The following RORA variants were observed in gnomAD, a reference collection of about 807,000 sequenced individuals.
RORA encodes RAR related orphan receptor A, also known as nuclear receptor ROR-alpha.
In RORA, 7 loss-of-function variants were observed where a neutral mutation model predicts 69.5. The observed-to-expected ratio is 0.10, with a 90% CI of 0.06 to 0.19. RORA has a LOEUF of 0.19. Among genes scored for constraint, RORA ranks in the 10% least tolerant of loss-of-function variants. The probability of loss-of-function intolerance (pLI) is 1.00; values close to 1 mark genes in which losing one functional copy is unlikely to be tolerated. For synonymous variants in RORA, 261 were observed against 240.8 expected (o/e 1.08, Z -0.78); for missense variants, 457 against 663.0 (o/e 0.69, Z 3.41).
intron 1 of RORA, among the ~76,000 whole-genome samples, chr15:60,929,211 C>T (rs529383877): frequency 6.6e-6 from 1 of 152,270 alleles, no homozygotes; most frequent in East Asian, 1.9e-4. Flanking sequence ...CTTTGTGAGG[C>T]AAGCGCTCAT....
chr15:60,728,053 C>T (rs560971648), intron 1 of RORA, among the ~76,000 whole-genome samples: 20 of 152,190 alleles, frequency 1.3e-4, no homozygotes, highest in African/African-American at 4.8e-4. Flanking sequence ...AGTATTTTTC[C>T]TCTGTATCAA....
At chr15:60,632,129 C>G (rs1487875670) in intron 2 of RORA, among the ~76,000 whole-genome samples, 4 of 147,880 alleles carry the variant, frequency 2.7e-5, no homozygotes, top group African/African-American at 7.5e-5. Flanking sequence ...TTTTTTTAGA[C>G]GGAGTCTCAC....
At chr15:61,124,807 T>C (rs1196974885) in intron 1 of RORA, among the ~76,000 whole-genome samples, 1 of 152,168 alleles carries the variant, frequency 6.6e-6, no homozygotes, top group Non-Finnish European at 1.5e-5. Context: ...CTCCATCTGA[T>C]AAGAAGATCA....
At chr15:60,923,476 G>T (rs1242998331) in intron 1 of RORA, among the ~76,000 whole-genome samples, 2 of 152,188 alleles carry the variant, frequency 1.3e-5, no homozygotes, top group East Asian at 3.9e-4. Context: ...CACTGGACGG[G>T]AAGCTGGAGA....
At chr15:61,192,345 A>C (rs2079808415) in intron 1 of RORA, among the ~76,000 whole-genome samples, 1 of 152,260 alleles carries the variant, frequency 6.6e-6, no homozygotes, top group Admixed American at 6.5e-5. Context: ...TTTCCTAACC[A>C]GGCTACAAGG....
At chr15:61,015,606 C>T (rs73436257) in intron 1 of RORA, among the ~76,000 whole-genome samples, 2,529 of 152,248 alleles carry the variant, frequency 0.017, 70 homozygotes, top group African/African-American at 0.057. Flanking sequence ...AGCGTAGGTG[C>T]TCATCTGTTC....
rs2079357942 is a variant in RORA, at chr15:61,147,207, C to T, written c.166+81846G>A. On this transcript the variant is annotated intron_variant, in intron 1 of 10. Coordinates refer to ENST00000335670, the MANE Select transcript of RORA (RefSeq NM_134261.3). The surrounding 1 kb of genome is among the most constrained non-coding windows in gnomAD (Gnocchi z 4.1). Reference sequence around the variant, plus strand: ...GTCAACCACTAGTCATGCCTTGAACCACACAGCACCGTGGTCGTTTCCACC... The same window carrying T: ...GTCAACCACTAGTCATGCCTTGAACTACACAGCACCGTGGTCGTTTCCACC... Among the ~76,000 whole-genome samples the T allele has an allele frequency of 1.3e-5, 2 of 152,184 alleles. No individual in the cohort carries two copies. The highest frequency in any genetic ancestry group is 4.8e-5 in the African/African-American group (2 of 41,440).
rs547260180 is a variant in RORA at position 60,627,598 on chromosome 15, A to G, written c.196+51059T>C. ...ACTTACAATTCTCCCATAATTGTTG[A>G]CTAAATTCCAAAGCTGGGCTCCTCT... On this transcript the variant is annotated intron_variant, in intron 2 of 10. Coordinates refer to ENST00000335670, the MANE Select transcript of RORA (RefSeq NM_134261.3). 218 of 1,150,904 alleles carry G rather than the reference A, an allele frequency of 1.9e-4. 1 individual carries two copies. The African/African-American group carries it at 3.1e-3, about 17-fold the overall frequency. 71.3% of individuals were successfully genotyped at this position (1,150,904 alleles called of 1,614,324 possible).
intron 1 of RORA, among the ~76,000 whole-genome samples, chr15:61,220,363 T>C (rs1179391468): frequency 1.3e-5 from 2 of 152,200 alleles, no homozygotes; most frequent in African/African-American, 2.4e-5. Flanking sequence ...CTTTTCATCA[T>C]CCACTGGTTT....
chr15:60,897,330 G>C (rs1450355643), intron 1 of RORA, among the ~76,000 whole-genome samples: 1 of 152,186 alleles, frequency 6.6e-6, no homozygotes, highest in Non-Finnish European at 1.5e-5. Flanking sequence ...GACATATAGA[G>C]ATCTTTGCCT....
chr15:60,639,016 G>T (rs937311751), intron 2 of RORA, among the ~76,000 whole-genome samples: 30 of 152,102 alleles, frequency 2.0e-4, no homozygotes, highest in African/African-American at 7.2e-4. Flanking sequence ...CTATATCTGC[G>T]TTAGTCTGGC....
chr15:60,924,678 G>C (rs1429609051), intron 1 of RORA, among the ~76,000 whole-genome samples: 2 of 152,160 alleles, frequency 1.3e-5, no homozygotes, highest in Admixed American at 6.5e-5. Context: ...ACCACAGGGC[G>C]GTGCGTGGAG....
intron 2 of RORA, among the ~76,000 whole-genome samples, chr15:60,587,071 T>A (rs1431485026): frequency 6.6e-6 from 1 of 152,228 alleles, no homozygotes; most frequent in Non-Finnish European, 1.5e-5. Context: ...TTGTGAATGT[T>A]CCCTTTGCCT....
chr15:61,088,290 C>A (rs562163257), intron 1 of RORA, among the ~76,000 whole-genome samples: 1 of 152,250 alleles, frequency 6.6e-6, no homozygotes, highest in African/African-American at 2.4e-5. Flanking sequence ...AGGGCCAGTG[C>A]AAGATATGTA....
rs1306715491 is a variant in RORA, at chr15:61,124,431, C to T, written c.166+104622G>A. Among the ~76,000 whole-genome samples, 5 of 152,210 alleles carry T rather than the reference C, an allele frequency of 3.3e-5. No individual in the cohort carries two copies. In the East Asian group the frequency reaches 7.7e-4, roughly 24 times the overall value. On this transcript the variant is annotated intron_variant, in intron 1 of 10. Transcript: ENST00000335670. ...TGCCGATTCAGCACCCTCTCTGCCC[C>T]TCTGAGAGCAGAGTGTGGAGTCTCA...
rs534317233 is a variant in RORA at position 60,523,315 on chromosome 15, C to T, written c.282+8451G>A. Among the ~76,000 whole-genome samples the T allele has an allele frequency of 2.6e-5, 4 of 152,260 alleles. No individual in the cohort carries two copies. In the East Asian group the frequency reaches 5.8e-4, roughly 22 times the overall value. On this transcript the variant is annotated intron_variant, in intron 3 of 10. Transcript: ENST00000335670. Reference sequence around the variant, plus strand: ...ACATTCATGTTGGAACTAGTCTTTCCTCAGTTGTAACCATGCAGATAGATG... The same window carrying T: ...ACATTCATGTTGGAACTAGTCTTTCTTCAGTTGTAACCATGCAGATAGATG...
chr15:60,625,182 T>A (rs951269516), intron 2 of RORA, among the ~76,000 whole-genome samples: 1 of 152,120 alleles, frequency 6.6e-6, no homozygotes, highest in Admixed American at 6.5e-5. Context: ...GACACAGACA[T>A]ACAGAAAGAC....
intron 1 of RORA, among the ~76,000 whole-genome samples, chr15:60,930,378 G>C (rs1202506536): frequency 1.3e-5 from 2 of 152,182 alleles, no homozygotes; most frequent in African/African-American, 4.8e-5. Context: ...CCGAGAGACA[G>C]AAAGATCCAA....
At chr15:61,004,165 A>G (rs1190862620) in intron 1 of RORA, among the ~76,000 whole-genome samples, 1 of 152,004 alleles carries the variant, frequency 6.6e-6, no homozygotes, top group Non-Finnish European at 1.5e-5. Flanking sequence ...TTCTTTATTG[A>G]CAGTACTTAC....
Sources: allele counts gnomAD v4.1 joint callset (sites outside exome capture counted in the v4.1 genomes callset), GRCh38; gene constraint gnomAD v4.1.1; non-coding constraint Gnocchi (gnomAD v3.1); transcripts MANE v1.5; gene names NCBI Gene and HGNC (gene_info 2026-07-23, HGNC 2026-07-21).